ASTN2: variants seen among roughly 807,000 people sequenced by gnomAD.
ASTN2 encodes astrotactin 2.
In ASTN2, 54 loss-of-function variants were observed where a neutral mutation model predicts 139.8. That is an observed-to-expected ratio of 0.39 (90% CI 0.31 to 0.48). ASTN2 has a LOEUF of 0.48. Among genes scored for constraint, ASTN2 ranks in the 20% least tolerant of loss-of-function variants. ASTN2 has a pLI of 0.95. For missense variants in ASTN2, 1,565 were observed against 1,725.1 expected, an observed-to-expected ratio of 0.91 and a Z score of 1.64; for synonymous variants, 756 against 719.5, an observed-to-expected ratio of 1.05 and a Z score of -0.81.
intron 7 of ASTN2, among the ~76,000 whole-genome samples, chr9:116,977,198 C>T (rs967847877): frequency 3.0e-4 from 46 of 152,206 alleles, no homozygotes; most frequent in Admixed American, 6.5e-5. Flanking sequence ...TTATCTCCAT[C>T]TGAATGAATA....
intron 6 of ASTN2, among the ~76,000 whole-genome samples, chr9:117,018,099 T>C (rs12554069): frequency 0.15 from 22,432 of 152,042 alleles, 1,771 homozygotes; most frequent in Middle Eastern, 0.2. Flanking sequence ...GGGACCCTAC[T>C]TGAAGACATG....
intron 16 of ASTN2, among the ~76,000 whole-genome samples, chr9:116,682,989 C>A (rs1161366949): frequency 6.7e-6 from 1 of 150,152 alleles, no homozygotes; most frequent in Non-Finnish European, 1.5e-5. Flanking sequence ...AACTAACCTG[C>A]ACATTGTGCA....
chr9:116,725,744 C>G, intron 16 of ASTN2, 27 bp downstream of exon 16: 1 of 1,605,572 alleles, frequency 6.2e-7, no homozygotes, highest in Non-Finnish European at 8.5e-7. Flanking sequence ...GCCTGGCCAC[C>G]TCCTACAGTA....
At chr9:116,907,311 T>C (rs1005184643) in intron 10 of ASTN2, among the ~76,000 whole-genome samples, 3 of 152,232 alleles carry the variant, frequency 2.0e-5, no homozygotes, top group Non-Finnish European at 2.9e-5. Flanking sequence ...CTTAGAAGCC[T>C]GTGTCTCAGG....
intron 5 of ASTN2, among the ~76,000 whole-genome samples, chr9:117,065,273 T>C (rs1040575036): frequency 3.3e-5 from 5 of 152,202 alleles, no homozygotes; most frequent in African/African-American, 1.2e-4. Flanking sequence ...AATAACTTTC[T>C]GTTATTTTAA....
In ASTN2 at chr9:117,348,165, G is replaced by A. The variant is rs574947777; in HGVS notation, c.443-56652C>T. ...TAGGCCTGGCACTTCAGGTCAACCCGTCTCCCAAGGTGGGGAAGATTAAGC... is the reference window on the plus strand; with the variant it reads ...TAGGCCTGGCACTTCAGGTCAACCCATCTCCCAAGGTGGGGAAGATTAAGC... On this transcript the variant is annotated intron_variant, in intron 1 of 22. Coordinates refer to ENST00000313400, the MANE Select transcript of ASTN2 (RefSeq NM_001365068.1). Among the ~76,000 whole-genome samples, 36 of 152,254 alleles carry A rather than the reference G, an allele frequency of 2.4e-4. No homozygotes were observed. The South Asian group carries it at 3.3e-3, about 14-fold the overall frequency.
intron 11 of ASTN2, among the ~76,000 whole-genome samples, chr9:116,862,828 A>G (rs895510760): frequency 1.2e-5 from 1 of 86,650 alleles, no homozygotes; most frequent in Non-Finnish European, 2.5e-5. Context: ...ACACACACAC[A>G]CACACACACA....
At chr9:117,016,634 A>G (rs372884674) in intron 6 of ASTN2, among the ~76,000 whole-genome samples, 2 of 19,912 alleles carry the variant, frequency 1.0e-4, no homozygotes, top group Admixed American at 7.2e-4. Context: ...CTATATATAT[A>G]TATATATATA....
chr9:116,447,875 G>A (rs1166902927), intron 20 of ASTN2, among the ~76,000 whole-genome samples: 2 of 152,222 alleles, frequency 1.3e-5, no homozygotes, highest in Admixed American at 6.5e-5. Context: ...AGTGGTCCCA[G>A]TGGAGATCAG....
chr9:117,204,589 T>G (rs937550341), intron 3 of ASTN2, among the ~76,000 whole-genome samples: 3 of 152,270 alleles, frequency 2.0e-5, no homozygotes, highest in Admixed American at 6.5e-5. Flanking sequence ...CACAACCAGC[T>G]TTAAGAGCTG....
At chr9:117,074,536 G>C (rs1368968171) in intron 5 of ASTN2, among the ~76,000 whole-genome samples, 1 of 152,186 alleles carries the variant, frequency 6.6e-6, no homozygotes, top group Non-Finnish European at 1.5e-5. Context: ...GTGGAAGTGT[G>C]AGCAGAAGAT....
At chr9:116,518,704 C>T (rs761724232) in intron 19 of ASTN2, among the ~76,000 whole-genome samples, 34 of 152,084 alleles carry the variant, frequency 2.2e-4, no homozygotes, top group Non-Finnish European at 3.8e-4. Context: ...CTAAAGGCTC[C>T]ACTTAAAAGA....
At chr9:117,324,931 G>A (rs1365486595) in intron 1 of ASTN2, among the ~76,000 whole-genome samples, 7 of 152,146 alleles carry the variant, frequency 4.6e-5, no homozygotes, top group Non-Finnish European at 1.0e-4. Context: ...GGCAGTGGGA[G>A]TGAAAGGGAG....
intron 2 of ASTN2, among the ~76,000 whole-genome samples, chr9:117,218,488 C>T (rs550913960): frequency 1.2e-4 from 19 of 152,300 alleles, no homozygotes; most frequent in African/African-American, 4.6e-4. Flanking sequence ...AAACAGACAT[C>T]CCAGGCTGGG....
chr9:117,411,864 C>A (rs4996194), intron 1 of ASTN2, among the ~76,000 whole-genome samples: 3,501 of 152,324 alleles, frequency 0.023, 127 homozygotes, highest in African/African-American at 0.078. Context: ...AGCTGCCCAA[C>A]TCGCCAGAGA....
intron 6 of ASTN2, among the ~76,000 whole-genome samples, chr9:117,026,516 C>G (rs1838089380): frequency 6.6e-6 from 1 of 152,126 alleles, no homozygotes; most frequent in African/African-American, 2.4e-5. Flanking sequence ...ATCTTTGACT[C>G]TTCCTCTTCC....
At chr9:117,245,030 G>C (rs1833337597) in intron 2 of ASTN2, among the ~76,000 whole-genome samples, 1 of 151,994 alleles carries the variant, frequency 6.6e-6, no homozygotes, top group African/African-American at 2.4e-5. Flanking sequence ...ATATGCAGCA[G>C]ACATATCATG....
chr9:117,210,606 C>G (rs1422717580), intron 3 of ASTN2, among the ~76,000 whole-genome samples: 1 of 152,206 alleles, frequency 6.6e-6, no homozygotes, highest in East Asian at 1.9e-4. Context: ...GATGGCTTCA[C>G]CACTCAATTC....
At chr9:116,565,294 A>G (rs1369291636) in intron 19 of ASTN2, among the ~76,000 whole-genome samples, 1 of 149,360 alleles carries the variant, frequency 6.7e-6, no homozygotes, top group African/African-American at 2.5e-5. Flanking sequence ...AAGTAAACAA[A>G]TACATTCAGG....
Sources: gnomAD v4.1 joint callset for allele counts (sites outside exome capture counted in the v4.1 genomes callset) on GRCh38, gnomAD v4.1.1 for gene constraint, MANE v1.5 for transcripts, NCBI Gene and HGNC (gene_info 2026-07-23, HGNC 2026-07-21) for gene names.